Variants in ASIC2 observed in about 807,000 individuals in gnomAD.
ASIC2 encodes the protein acid sensing ion channel subunit 2.
In ASIC2, 25 loss-of-function variants were observed where a neutral mutation model predicts 57.3. That is an observed-to-expected ratio of 0.44 (90% CI 0.32 to 0.61). ASIC2 has a LOEUF of 0.61. Among genes scored for constraint, ASIC2 ranks in the 20% least tolerant of loss-of-function variants. ASIC2 has a pLI of 0.06. For synonymous variants in ASIC2, 319 were observed against 307.5 expected, an observed-to-expected ratio of 1.04 and a Z score of -0.39; for missense variants, 641 against 738.1, an observed-to-expected ratio of 0.87 and a Z score of 1.52.
At chr17:33,360,312 G>A (rs1283339864) in intron 1 of ASIC2, among the ~76,000 whole-genome samples, 1 of 152,194 alleles carries the variant, frequency 6.6e-6, no homozygotes. Context: ...GGTAGAATTT[G>A]AATGACTGAA....
At chr17:33,321,475 G>T (rs1307646687) in intron 1 of ASIC2, among the ~76,000 whole-genome samples, 1 of 152,026 alleles carries the variant, frequency 6.6e-6, no homozygotes, top group Non-Finnish European at 1.5e-5. Flanking sequence ...AAATATAAAG[G>T]CCTGCTTATT....
chr17:33,469,836 G>A (rs974576011), intron 1 of ASIC2, among the ~76,000 whole-genome samples: 1 of 152,172 alleles, frequency 6.6e-6, no homozygotes, highest in Non-Finnish European at 1.5e-5. Flanking sequence ...GATAGAGAGT[G>A]AAGAATTTGG....
intron 1 of ASIC2, among the ~76,000 whole-genome samples, chr17:33,515,364 G>A (rs947774435): frequency 6.6e-6 from 1 of 152,182 alleles, no homozygotes; most frequent in Non-Finnish European, 1.5e-5. Flanking sequence ...AGACCCTGAG[G>A]CAGCCATGGA....
At chr17:33,729,071 C>T (rs944870540) in intron 1 of ASIC2, among the ~76,000 whole-genome samples, 1 of 152,078 alleles carries the variant, frequency 6.6e-6, no homozygotes, top group Non-Finnish European at 1.5e-5. Flanking sequence ...TTTTGTGTCA[C>T]TATGAAGAAA....
intron 1 of ASIC2, among the ~76,000 whole-genome samples, chr17:33,760,425 T>C (rs1033002050): frequency 5.3e-5 from 8 of 152,090 alleles, no homozygotes; most frequent in African/African-American, 1.9e-4. Flanking sequence ...TTCAGACCTA[T>C]ACAAATCATA....
At position 33,799,800 on chromosome 17, in the gene ASIC2, G is replaced by A. The variant is rs553039248; in HGVS notation, c.555+356178C>T. Among the ~76,000 whole-genome samples the A allele has an allele frequency of 7.9e-5, 12 of 152,124 alleles. No homozygotes were observed. The East Asian group carries it at 2.3e-3, about 29-fold the overall frequency. On this transcript the variant is annotated intron_variant, in intron 1 of 9. Coordinates refer to the ASIC2 transcript ENST00000359872. ...AGGTTGTGTAACGAACAACCCAAGA[G>A]GGTACTCTTTACATAGATGATAATG...
chr17:34,033,993 C>T (rs894346961), intron 1 of ASIC2, among the ~76,000 whole-genome samples: 2 of 152,188 alleles, frequency 1.3e-5, no homozygotes, highest in Non-Finnish European at 2.9e-5. Context: ...AAGAGGGAAT[C>T]CTCCCTAACT....
In ASIC2 at chr17:33,014,080, G is replaced by C; in HGVS notation, c.1591-14C>G. The C allele has an allele frequency of 6.4e-7, 1 of 1,564,466 alleles. No homozygotes were observed. Among genetic ancestry groups the C allele is most frequent in the East Asian group, 2.3e-5 (1 of 42,934 alleles). On this transcript the variant is annotated splice_polypyrimidine_tract_variant and intron_variant, in intron 9 of 9. Transcript: ENST00000225823. The stretch of plus-strand genomic sequence containing the variant: ...GTCACAAGTACTCTGGAAGGGAAGG[G>C]TTGGTGGGAGTTTATTATTCGCTCA...
intron 1 of ASIC2, among the ~76,000 whole-genome samples, chr17:33,846,986 T>C (rs970197720): frequency 6.6e-6 from 1 of 152,066 alleles, no homozygotes; most frequent in Non-Finnish European, 1.5e-5. Flanking sequence ...CCGTCTCAGC[T>C]CCTCAGGCTC....
At chr17:33,086,558 C>T (rs1207389685) in intron 3 of ASIC2, among the ~76,000 whole-genome samples, 1 of 152,156 alleles carries the variant, frequency 6.6e-6, no homozygotes, top group Non-Finnish European at 1.5e-5. Flanking sequence ...ATTTTCTCTC[C>T]TTGACCAGAC....
intron 1 of ASIC2, chr17:34,000,862 T>C (rs894176521): frequency 6.6e-6 from 1 of 152,194 alleles, no homozygotes; most frequent in African/African-American, 2.4e-5. Context: ...GTTGAAACTC[T>C]TTATGAACAT....
chr17:33,900,269 C>G (rs1915202782), intron 1 of ASIC2, among the ~76,000 whole-genome samples: 1 of 152,210 alleles, frequency 6.6e-6, no homozygotes, highest in Non-Finnish European at 1.5e-5. Context: ...CCATCTTCAT[C>G]CCCTAGATGG....
At chr17:33,675,124 A>G (rs1236614411) in intron 1 of ASIC2, among the ~76,000 whole-genome samples, 3 of 152,210 alleles carry the variant, frequency 2.0e-5, no homozygotes, top group Non-Finnish European at 4.4e-5. Context: ...AGTACCAGGC[A>G]CATAGCAAGT....
At chr17:33,413,574 G>A (rs1013389413) in intron 1 of ASIC2, among the ~76,000 whole-genome samples, 3 of 152,174 alleles carry the variant, frequency 2.0e-5, no homozygotes, top group African/African-American at 7.2e-5. Context: ...CCTCGCCTAG[G>A]CCCTTTTATT....
At chr17:33,675,035 C>T (rs1280126306) in intron 1 of ASIC2, among the ~76,000 whole-genome samples, 1 of 152,138 alleles carries the variant, frequency 6.6e-6, no homozygotes, top group Non-Finnish European at 1.5e-5. Context: ...GATTTGGACA[C>T]AATAGTTACA....
intron 1 of ASIC2, among the ~76,000 whole-genome samples, chr17:33,417,463 A>T (rs1249419622): frequency 1.3e-5 from 2 of 152,168 alleles, no homozygotes; most frequent in African/African-American, 4.8e-5. Flanking sequence ...CGGGAAACAC[A>T]CAGAATACAT....
chr17:33,065,968 G>T (rs1343950691), intron 3 of ASIC2, among the ~76,000 whole-genome samples: 3 of 152,148 alleles, frequency 2.0e-5, no homozygotes, highest in Non-Finnish European at 2.9e-5. Context: ...TTCTGTCTCA[G>T]ACCAGTGGGA....
intron 1 of ASIC2, among the ~76,000 whole-genome samples, chr17:33,254,345 A>G (rs770969705): frequency 6.6e-5 from 10 of 152,208 alleles, no homozygotes; most frequent in African/African-American, 2.4e-4. Context: ...CTTAAAATGT[A>G]TATCTCGGAC....
intron 1 of ASIC2, among the ~76,000 whole-genome samples, chr17:33,636,990 C>A (rs544482052): frequency 2.0e-5 from 3 of 152,282 alleles, no homozygotes; most frequent in East Asian, 1.9e-4. Context: ...AACTTCTGAA[C>A]ATGCAACACT....
Sources: allele counts gnomAD v4.1 joint callset (sites outside exome capture counted in the v4.1 genomes callset), GRCh38; gene constraint gnomAD v4.1.1; transcripts MANE v1.5; gene names NCBI Gene and HGNC (gene_info 2026-07-23, HGNC 2026-07-21).